Variants in TSPAN33 observed in about 807,000 individuals in gnomAD.
TSPAN33 encodes tetraspanin 33.
In TSPAN33, 27 loss-of-function variants were observed where a neutral mutation model predicts 34.8. That is an observed-to-expected ratio of 0.78 (90% CI 0.57 to 1.07). The LOEUF (loss-of-function observed/expected upper bound fraction) is 1.07. TSPAN33 is among the 50% of genes least tolerant of loss of function. The probability of loss-of-function intolerance (pLI) is 0.00; values close to 1 mark genes in which losing one functional copy is unlikely to be tolerated. For missense variants in TSPAN33, 272 were observed against 324.9 expected (o/e 0.84, Z 1.25); for synonymous variants, 119 against 124.2 (o/e 0.96, Z 0.28).
At chr7:129,155,536 T>A (rs1810654110) in intron 1 of TSPAN33, among the ~76,000 whole-genome samples, 1 of 152,204 alleles carries the variant, frequency 6.6e-6, no homozygotes, top group Non-Finnish European at 1.5e-5. Context: ...ATTAAAAACA[T>A]TTTAAGATAG....
At chr7:129,151,785 T>C (rs925731110) in intron 1 of TSPAN33, among the ~76,000 whole-genome samples, 2 of 152,254 alleles carry the variant, frequency 1.3e-5, no homozygotes, top group Non-Finnish European at 2.9e-5. Flanking sequence ...GCAACTATTA[T>C]GGAAAACTAG....
intron 1 of TSPAN33, among the ~76,000 whole-genome samples, chr7:129,149,502 G>A (rs1350886912): frequency 6.6e-6 from 1 of 152,164 alleles, no homozygotes; most frequent in Non-Finnish European, 1.5e-5. Context: ...AGATTGCAGT[G>A]AGCCGAGATT....
intron 1 of TSPAN33, among the ~76,000 whole-genome samples, chr7:129,151,655 G>GA (rs1011050335): frequency 6.6e-6 from 1 of 151,686 alleles, no homozygotes; most frequent in African/African-American, 2.4e-5. Flanking sequence ...CAATTTGCAA[G>GA]AAAAAAAGTC....
rs944018583 is a variant in TSPAN33 at position 129,168,874 on chromosome 7, G to C, written c.*1000G>C. ...AATTTTCCATTCTGGCAACTGGAAG[G>C]GGAGGTGTAGAAGGGCCCTGCAGAG... is the stretch of plus-strand genomic sequence containing the variant. On this transcript the variant is annotated 3_prime_UTR_variant, in exon 8 of 8. Coordinates refer to ENST00000486685, the MANE Select transcript of TSPAN33 (RefSeq NM_178562.5). 12 of 150,780 alleles carry C rather than the reference G, an allele frequency of 8.0e-5. No homozygotes were observed. The Admixed American group carries it at 8.0e-4, about 10-fold the overall frequency. The allele number at this position is 150,780 out of a possible 1,614,324, so 9.3% of individuals were successfully genotyped here. A position where few individuals can be genotyped will look rare whatever the true frequency, so the allele number is the denominator to read the frequency against.
intron 1 of TSPAN33, among the ~76,000 whole-genome samples, chr7:129,161,325 C>T (rs1307487470): frequency 1.3e-5 from 2 of 152,346 alleles, no homozygotes; most frequent in East Asian, 1.9e-4. Flanking sequence ...AGTTGATTCT[C>T]CTGCCTTGGC....
chr7:129,145,149 G>T, intron 1 of TSPAN33, 67 bp downstream of exon 1: 1 of 590,558 alleles, frequency 1.7e-6, no homozygotes, highest in Non-Finnish European at 3.1e-6. Context: ...GTGGCCCGGG[G>T]TGCCCCACGC....
intron 1 of TSPAN33, among the ~76,000 whole-genome samples, chr7:129,158,015 C>T (rs969888955): frequency 5.9e-5 from 9 of 152,234 alleles, no homozygotes; most frequent in Non-Finnish European, 1.2e-4. Context: ...CGCATTCCTT[C>T]GGGAAGTGCT....
At chr7:129,160,560 G>A (rs1190249143) in intron 1 of TSPAN33, among the ~76,000 whole-genome samples, 1 of 152,206 alleles carries the variant, frequency 6.6e-6, no homozygotes, top group Non-Finnish European at 1.5e-5. Context: ...TGATGGGTTT[G>A]TTCTCTCAGG....
intron 1 of TSPAN33, among the ~76,000 whole-genome samples, chr7:129,151,652 C>T (rs1389296982): frequency 6.6e-6 from 1 of 151,750 alleles, no homozygotes; most frequent in African/African-American, 2.4e-5. Flanking sequence ...TCCCAATTTG[C>T]AAGAAAAAAA....
At chr7:129,162,313 C>A in intron 2 of TSPAN33, 81 bp from the exon 3 acceptor site, 1 of 1,578,222 alleles carries the variant, frequency 6.3e-7, no homozygotes, top group Admixed American at 1.7e-5. Context: ...GGAAGGAGAA[C>A]AGTTTGGGGC....
intron 1 of TSPAN33, among the ~76,000 whole-genome samples, chr7:129,155,310 A>G (rs886504952): frequency 2.6e-5 from 4 of 152,260 alleles, no homozygotes; most frequent in African/African-American, 9.6e-5. Flanking sequence ...GGTCACATAG[A>G]AGGAATAAGT....
chr7:129,156,036 T>C (rs962329876), intron 1 of TSPAN33, among the ~76,000 whole-genome samples: 4 of 152,208 alleles, frequency 2.6e-5, no homozygotes, highest in South Asian at 2.1e-4. Flanking sequence ...CTGCCCTACA[T>C]TACATTTAGT....
intron 1 of TSPAN33, among the ~76,000 whole-genome samples, chr7:129,149,050 C>T (rs1340728214): frequency 6.6e-6 from 1 of 152,180 alleles, no homozygotes; most frequent in Non-Finnish European, 1.5e-5. Context: ...CACCTCCCTC[C>T]TCCACCCCCG....
chr7:129,150,146 G>A (rs1333286691), intron 1 of TSPAN33, among the ~76,000 whole-genome samples: 5 of 152,214 alleles, frequency 3.3e-5, no homozygotes, highest in East Asian at 1.9e-4. Context: ...AGGAGGGGGT[G>A]CGGGCCCTGA....
At position 129,166,775 on chromosome 7, in the gene TSPAN33, C is replaced by A; in HGVS notation, c.460-3C>A. ...TCTTAACCTCTGGTGGGTTTTGTTG[C>A]AGTTTAGCTGCTGTGGAGGGATTTC... On this transcript the variant is annotated splice_polypyrimidine_tract_variant and splice_region_variant and intron_variant, in intron 5 of 7. Transcript: ENST00000486685. 6.2e-7 allele frequency: 1 copy of A among 1,613,686 alleles called. No homozygotes were observed. The highest frequency in any genetic ancestry group is 2.2e-5 in the East Asian group (1 of 44,860).
Position 129,167,842 on chromosome 7 carries a change from A to C in TSPAN33, c.820A>C (p.Asn274His), listed in dbSNP as rs776804030. ...AGATCAGATCAAGCTACAGCTCTAC[A>C]ACCAGCAGCACCGGGCTGACCCATG... Reference protein sequence around the residue: ...IKDQIKLQLYNQQHRADPWY With the variant: ...IKDQIKLQLYHQQHRADPWY The change falls in exon 8 of 8, where the codon AAC becomes CAC. Residue 274 changes from asparagine (N) to histidine (H), a missense_variant. Asn to His is a moderately conservative substitution (Grantham distance 68). Transcript: ENST00000486685. This position sits in a 1 kb window ranked among gnomAD's most constrained non-coding sequence, Gnocchi z 4.6. The C allele has an allele frequency of 6.2e-7, 1 of 1,614,122 alleles. No individual in the cohort carries two copies. Among genetic ancestry groups the C allele is most frequent in the East Asian group, 2.2e-5 (1 of 44,882 alleles).
chr7:129,148,054 A>G lies in TSPAN33; in HGVS notation c.102+2972A>G, dbSNP rs1810544166. On this transcript the variant is annotated intron_variant, in intron 1 of 7. Coordinates refer to ENST00000486685, the MANE Select transcript of TSPAN33 (RefSeq NM_178562.5). This position sits in a 1 kb window ranked among gnomAD's most constrained non-coding sequence, Gnocchi z 4.2. ...CATTTAAATCAGTTAGGGTGGCTAC[A>G]GAGCAGCTGCCTCTCCTCACCTCCC... is the stretch of plus-strand genomic sequence containing the variant. 6.6e-6 allele frequency among the ~76,000 whole-genome samples: 1 copy of G among 152,202 alleles called. No homozygotes were observed. Among genetic ancestry groups the G allele is most frequent in the Non-Finnish European group, 1.5e-5 (1 of 68,030 alleles).
At chr7:129,145,267 G>A (rs889721442) in intron 1 of TSPAN33, among the ~76,000 whole-genome samples, 185 bp downstream of exon 1, 3 of 152,068 alleles carry the variant, frequency 2.0e-5, no homozygotes, top group South Asian at 4.2e-4. Context: ...TTGTAGGGAG[G>A]AGGGTATGCC....
intron 1 of TSPAN33, among the ~76,000 whole-genome samples, chr7:129,159,378 G>A (rs544425849): frequency 5.3e-5 from 8 of 152,240 alleles, no homozygotes; most frequent in South Asian, 2.1e-4. Context: ...TCTTTTTCCC[G>A]TACTGTTGGT....
Sources: allele counts gnomAD v4.1 joint callset (sites outside exome capture counted in the v4.1 genomes callset), GRCh38; gene constraint gnomAD v4.1.1; non-coding constraint Gnocchi (gnomAD v3.1); transcripts MANE v1.5; gene names NCBI Gene and HGNC (gene_info 2026-07-23, HGNC 2026-07-21).